CACNB2: variants seen among roughly 807,000 people sequenced by gnomAD.
CACNB2 encodes the protein calcium voltage-gated channel auxiliary subunit beta 2.
A neutral mutation model predicts 73.3 loss-of-function variants in CACNB2; 42 were observed. The ratio of observed to expected loss-of-function variants is 0.57; its 90% CI spans 0.45 to 0.74. The LOEUF is 0.74. Ranked by LOEUF, CACNB2 falls within the 30% of genes least tolerant of loss-of-function variation. The pLI is 0.00. For missense variants in CACNB2, 940 were observed against 853.0 expected (o/e 1.10, Z -1.27); for synonymous variants, 348 against 310.3 (o/e 1.12, Z -1.28).
chr10:18,275,796 C>T (rs1485891751), intron 2 of CACNB2, among the ~76,000 whole-genome samples: 1 of 152,066 alleles, frequency 6.6e-6, no homozygotes, highest in African/African-American at 2.4e-5. Flanking sequence ...CATAGAATAA[C>T]ACAATCAATG....
chr10:18,430,957 C>A (rs555445605), intron 3 of CACNB2, among the ~76,000 whole-genome samples: 58 of 152,116 alleles, frequency 3.8e-4, no homozygotes, highest in African/African-American at 1.4e-3. Context: ...CTATTTGATG[C>A]CTCCTTTATC....
intron 2 of CACNB2, among the ~76,000 whole-genome samples, chr10:18,315,129 C>T (rs181436929): frequency 2.0e-5 from 3 of 151,912 alleles, no homozygotes; most frequent in East Asian, 1.9e-4. Flanking sequence ...GTCAGGAGTT[C>T]GAGACCAGCC....
intron 3 of CACNB2, among the ~76,000 whole-genome samples, chr10:18,462,938 T>TA (rs1200689794): frequency 6.6e-6 from 1 of 152,006 alleles, no homozygotes; most frequent in Non-Finnish European, 1.5e-5. Flanking sequence ...TTTGTATTTT[T>TA]AGTAGAGACG....
chr10:18,411,187 G>A (rs1318955663), intron 3 of CACNB2, among the ~76,000 whole-genome samples: 1 of 152,108 alleles, frequency 6.6e-6, no homozygotes, highest in Non-Finnish European at 1.5e-5. Context: ...GGCTGAATAT[G>A]TCTAATTTCT....
chr10:18,534,350 T>C (rs10764582), intron 11 of CACNB2, 123 bp downstream of exon 11: 2 of 881,308 alleles, frequency 2.3e-6, no homozygotes, highest in Non-Finnish European at 3.7e-6. Flanking sequence ...TGAGGAGACA[T>C]GATAGTCAAG....
chr10:18,301,554 C>T lies in CACNB2; in HGVS notation c.214-100370C>T, dbSNP rs565457539. On this transcript the variant is annotated intron_variant, in intron 2 of 13. Coordinates refer to ENST00000324631, the MANE Select transcript of CACNB2 (RefSeq NM_201596.3). Reference sequence around the variant, plus strand: ...AGGCTGCAGTGAGGTATGATTATGACACTGCACTCCAGCCTGGGTAACAGA... The same window carrying T: ...AGGCTGCAGTGAGGTATGATTATGATACTGCACTCCAGCCTGGGTAACAGA... Among the ~76,000 whole-genome samples, 3 of 152,054 alleles carry T rather than the reference C, an allele frequency of 2.0e-5. No homozygotes were observed. The South Asian group carries it at 6.2e-4, about 32-fold the overall frequency.
At chr10:18,252,317 G>T (rs374127047) in intron 2 of CACNB2, among the ~76,000 whole-genome samples, 2 of 152,308 alleles carry the variant, frequency 1.3e-5, no homozygotes, top group South Asian at 2.1e-4. Flanking sequence ...GGAGAAATCG[G>T]TGTCTGGTGT....
intron 3 of CACNB2, among the ~76,000 whole-genome samples, chr10:18,449,186 C>A (rs1052403952): frequency 2.0e-5 from 3 of 152,094 alleles, no homozygotes; most frequent in African/African-American, 4.8e-5. Flanking sequence ...AGATCAAGAC[C>A]GTCCTGGCTA....
chr10:18,481,473 C>A, intron 3 of CACNB2, among the ~76,000 whole-genome samples: 1 of 150,616 alleles, frequency 6.6e-6, no homozygotes, highest in East Asian at 2.0e-4. Context: ...TCTCAAACTC[C>A]TGACCTCAAG....
intron 3 of CACNB2, among the ~76,000 whole-genome samples, chr10:18,403,922 T>C (rs2044144822): frequency 6.7e-6 from 1 of 150,046 alleles, no homozygotes; most frequent in Non-Finnish European, 1.5e-5. Context: ...GATAGCACAA[T>C]AGGGTGACTA....
chr10:18,311,159 G>A (rs2039949921), intron 2 of CACNB2, among the ~76,000 whole-genome samples: 1 of 151,978 alleles, frequency 6.6e-6, no homozygotes, highest in Admixed American at 6.6e-5. Flanking sequence ...CCTGAAATTG[G>A]TTTATCTGCT....
At chr10:18,518,681 C>G (rs1047154280) in intron 8 of CACNB2, among the ~76,000 whole-genome samples, 1 of 152,128 alleles carries the variant, frequency 6.6e-6, no homozygotes, top group Non-Finnish European at 1.5e-5. Flanking sequence ...AAATGGAGAC[C>G]GACTGAAACC....
At position 18,140,853 on chromosome 10, in the gene CACNB2, A is replaced by T; in HGVS notation, c.117A>T (p.Ala39=). 2 of 1,599,716 alleles carry T rather than the reference A, an allele frequency of 1.3e-6. No homozygotes were observed. The highest frequency in any genetic ancestry group is 2.3e-5 in the South Asian group (2 of 88,760). Residue 39 remains alanine (A), a synonymous_variant, in exon 1 of 14, where the codon GCA becomes GCT. Coordinates refer to ENST00000324631, the MANE Select transcript of CACNB2 (RefSeq NM_201596.3). ...VAPAGALGAA[A]QSYGKGARRK... ...CCGCGGGGGCGCTCGGAGCCGCCGC[A>T]CAGGTAGCGAGAGCGCGGCGCCTTC...
intron 3 of CACNB2, among the ~76,000 whole-genome samples, chr10:18,496,929 G>A (rs1347795851): frequency 2.7e-5 from 4 of 150,618 alleles, no homozygotes; most frequent in Non-Finnish European, 5.9e-5. Context: ...ACATAGAAGA[G>A]GCCAGGCATG....
intron 2 of CACNB2, among the ~76,000 whole-genome samples, chr10:18,201,024 C>A (rs2034855126): frequency 6.6e-6 from 1 of 152,166 alleles, no homozygotes; most frequent in Non-Finnish European, 1.5e-5. Context: ...TCACTGGCTT[C>A]CATTTTATGG....
At chr10:18,347,344 ATTTTTTTTTTTTTTTT>A (rs201654242) in intron 2 of CACNB2, among the ~76,000 whole-genome samples, 2 of 120,824 alleles carry the variant, frequency 1.7e-5, no homozygotes, top group East Asian at 3.4e-4. Flanking sequence ...TGCCCGTCTA[ATTTTTTTTTTTTTTTT>A]TTTTTTTTTT....
At chr10:18,491,355 G>A (rs113367034) in intron 3 of CACNB2, among the ~76,000 whole-genome samples, 4,619 of 152,202 alleles carry the variant, frequency 0.03, 153 homozygotes, top group South Asian at 0.15. Context: ...AGGCCAAGGC[G>A]GGAGGATCAC....
chr10:18,266,174 T>C (rs1286676349), intron 2 of CACNB2, among the ~76,000 whole-genome samples: 1 of 152,202 alleles, frequency 6.6e-6, no homozygotes, highest in East Asian at 1.9e-4. Context: ...TCATTTGACA[T>C]TAAAGCAGTC....
At chr10:18,391,925 CAAAAAAAAA>C (rs34698093) in intron 2 of CACNB2, among the ~76,000 whole-genome samples, 47 of 84,620 alleles carry the variant, frequency 5.6e-4, no homozygotes, top group African/African-American at 1.8e-3. Context: ...AAGACCCTGT[CAAAAAAAAA>C]AAAAAAAAAA....
Sources: gnomAD v4.1 joint callset for allele counts (sites outside exome capture counted in the v4.1 genomes callset) on GRCh38, gnomAD v4.1.1 for gene constraint, MANE v1.5 for transcripts, NCBI Gene and HGNC (gene_info 2026-07-23, HGNC 2026-07-21) for gene names.